The following ATXN1 variants were observed in gnomAD, a reference collection of about 807,000 sequenced individuals.
ATXN1 encodes ataxin 1.
A neutral mutation model predicts 56.4 loss-of-function variants in ATXN1; 8 were observed. The observed-to-expected ratio is 0.14, with a 90% CI of 0.08 to 0.26. ATXN1 has a LOEUF of 0.26. ATXN1 is among the 10% of genes least tolerant of loss of function. The pLI, the probability that ATXN1 is intolerant of heterozygous loss-of-function variation, is 1.00. For missense variants in ATXN1, 987 were observed against 1,106.5 expected, an observed-to-expected ratio of 0.89 and a Z score of 1.53; for synonymous variants, 514 against 494.6, an observed-to-expected ratio of 1.04 and a Z score of -0.52.
chr6:16,653,709 C>T (rs2113351872), intron 3 of ATXN1, among the ~76,000 whole-genome samples: 1 of 152,296 alleles, frequency 6.6e-6, no homozygotes. Context: ...AGCCTCTGCC[C>T]TAGGGGAACA....
At chr6:16,352,428 C>A (rs1298965054) in intron 6 of ATXN1, among the ~76,000 whole-genome samples, 1 of 152,116 alleles carries the variant, frequency 6.6e-6, no homozygotes, top group South Asian at 2.1e-4. Context: ...TTTGAAACTT[C>A]CCTCAATGAC....
chr6:16,517,239 TAAA>T (rs1406216838), intron 5 of ATXN1, among the ~76,000 whole-genome samples: 2 of 152,242 alleles, frequency 1.3e-5, no homozygotes, highest in South Asian at 2.1e-4. Flanking sequence ...TCTGGGCTTC[TAAA>T]ATTCTCATTC....
At chr6:16,457,017 C>A (rs1759890370) in intron 6 of ATXN1, among the ~76,000 whole-genome samples, 1 of 152,204 alleles carries the variant, frequency 6.6e-6, no homozygotes, top group South Asian at 2.1e-4. Context: ...ACTCTTCCAA[C>A]CCTGGAGATC....
intron 6 of ATXN1, among the ~76,000 whole-genome samples, chr6:16,420,772 C>T (rs2113565196): frequency 6.6e-6 from 1 of 152,256 alleles, no homozygotes; most frequent in South Asian, 2.1e-4. Context: ...ATAAAAATTA[C>T]TTGGAAGGCT....
At chr6:16,545,080 A>G (rs926841037) in intron 4 of ATXN1, among the ~76,000 whole-genome samples, 3 of 152,134 alleles carry the variant, frequency 2.0e-5, no homozygotes, top group Non-Finnish European at 4.4e-5. Context: ...TACGCATTCC[A>G]TGTTGTGGGA....
chr6:16,420,008 G>A (rs767280596), intron 6 of ATXN1, among the ~76,000 whole-genome samples: 15 of 152,180 alleles, frequency 9.9e-5, no homozygotes, highest in Non-Finnish European at 1.9e-4. Context: ...GACTGGGGAT[G>A]GGGAGGACAG....
chr6:16,586,796 G>A (rs571238563), intron 3 of ATXN1, among the ~76,000 whole-genome samples: 13 of 152,198 alleles, frequency 8.5e-5, no homozygotes, highest in Non-Finnish European at 1.5e-4. Flanking sequence ...TGAGGTGGGC[G>A]GATCATGAGG....
chr6:16,693,265 G>A (rs1283005201), intron 2 of ATXN1, among the ~76,000 whole-genome samples: 2 of 152,144 alleles, frequency 1.3e-5, no homozygotes, highest in African/African-American at 2.4e-5. Context: ...AGTGGTCTCC[G>A]CCATTGATCT....
At chr6:16,439,391 T>TGGGGGGGGGGGGGGGGGGG (rs1470984574) in intron 6 of ATXN1, among the ~76,000 whole-genome samples, 1 of 1,326 alleles carries the variant, frequency 7.5e-4, no homozygotes, top group African/African-American at 3.6e-3. Flanking sequence ...GAATAAGGGT[T>TGGGGGGGGGGGGGGGGGGG]GGGGTGGGGT....
At chr6:16,358,116 T>A (rs991785220) in intron 6 of ATXN1, among the ~76,000 whole-genome samples, 1 of 151,932 alleles carries the variant, frequency 6.6e-6, no homozygotes, top group African/African-American at 2.4e-5. Context: ...GGAAAAGTAG[T>A]CAAGAAGGGC....
intron 6 of ATXN1, among the ~76,000 whole-genome samples, chr6:16,423,869 C>T (rs1367734005): frequency 1.3e-5 from 2 of 152,210 alleles, no homozygotes; most frequent in African/African-American, 2.4e-5. Context: ...TTTTATGCAT[C>T]ATTTATCTTC....
At chr6:16,525,375 A>G (rs59576590) in intron 4 of ATXN1, among the ~76,000 whole-genome samples, 50,065 of 152,044 alleles carry the variant, frequency 0.33, 8,253 homozygotes, top group Admixed American at 0.35. Context: ...TTGCAACAAC[A>G]TGGATGGAAC....
chr6:16,671,199 T>A (rs1018387), intron 2 of ATXN1, among the ~76,000 whole-genome samples: 76,814 of 151,660 alleles, frequency 0.51, 20,038 homozygotes, highest in East Asian at 0.68. Flanking sequence ...AGAAAGAAAT[T>A]CTGCCAGGTA....
chr6:16,365,961 C>T (rs1182502630), intron 6 of ATXN1, among the ~76,000 whole-genome samples: 1 of 152,154 alleles, frequency 6.6e-6, no homozygotes, highest in Non-Finnish European at 1.5e-5. Flanking sequence ...ATCCCCATAT[C>T]TACTATTGTA....
intron 6 of ATXN1, among the ~76,000 whole-genome samples, chr6:16,403,462 T>C (rs1758622785): frequency 6.6e-6 from 1 of 152,232 alleles, no homozygotes; most frequent in African/African-American, 2.4e-5. Context: ...GCAATTCTCC[T>C]GCTTCAGCCC....
chr6:16,347,838 G>A (rs1371805364), intron 6 of ATXN1, among the ~76,000 whole-genome samples: 3 of 152,192 alleles, frequency 2.0e-5, no homozygotes, highest in Non-Finnish European at 4.4e-5. Context: ...GCCAGCAGTG[G>A]TAACCTTCTC....
chr6:16,592,885 G>T (rs370152661), intron 3 of ATXN1, among the ~76,000 whole-genome samples: 17 of 149,546 alleles, frequency 1.1e-4, no homozygotes, highest in South Asian at 4.3e-4. Flanking sequence ...TGGGGGGTTG[G>T]GGGGGGCAGC....
rs957589095 is a variant in ATXN1, at chr6:16,410,171, G to C, written c.-161+75801C>G. On this transcript the variant is annotated intron_variant, in intron 6 of 7. Coordinates refer to ENST00000436367, the MANE Select transcript of ATXN1 (RefSeq NM_001128164.2). This position sits in a 1 kb window ranked among gnomAD's most constrained non-coding sequence, Gnocchi z 4.6. ...TCGGCCTCTTGCTTACTATGACGCC[G>C]TGTGAATCACAGCATCTAGCGGCCC... Among the ~76,000 whole-genome samples, 1 of 152,316 alleles carries C rather than the reference G, an allele frequency of 6.6e-6. No homozygotes were observed. Among genetic ancestry groups the C allele is most frequent in the Admixed American group, 6.5e-5 (1 of 15,302 alleles).
chr6:16,584,570 G>A (rs9477177), intron 4 of ATXN1, among the ~76,000 whole-genome samples: 3 of 151,790 alleles, frequency 2.0e-5, no homozygotes, highest in African/African-American at 7.3e-5. Context: ...TAAGTTTCAA[G>A]GATGCTGCTG....
Sources: gnomAD v4.1 joint callset for allele counts (sites outside exome capture counted in the v4.1 genomes callset) on GRCh38, gnomAD v4.1.1 for gene constraint, Gnocchi (gnomAD v3.1) non-coding constraint, MANE v1.5 for transcripts, NCBI Gene and HGNC (gene_info 2026-07-23, HGNC 2026-07-21) for gene names.